NPAS3: variants seen among roughly 807,000 people sequenced by gnomAD.
NPAS3 encodes the protein neuronal PAS domain protein 3, also known as neuronal PAS domain-containing protein 3.
A neutral mutation model predicts 73.1 loss-of-function variants in NPAS3; 14 were observed. The observed-to-expected ratio is 0.19, with a 90% CI of 0.13 to 0.30. The LOEUF (loss-of-function observed/expected upper bound fraction) is 0.30, where lower values mean the gene tolerates loss of function less well. Among genes scored for constraint, NPAS3 ranks in the 10% least tolerant of loss-of-function variants. NPAS3 has a pLI of 1.00. For missense variants in NPAS3, 1,096 were observed against 1,250.0 expected (o/e 0.88, Z 1.86); for synonymous variants, 620 against 541.5 (o/e 1.14, Z -2.01).
intron 1 of NPAS3, among the ~76,000 whole-genome samples, chr14:32,956,094 C>A (rs1301934652): frequency 6.6e-6 from 1 of 151,742 alleles, no homozygotes. Context: ...TCAAATGATA[C>A]CACCAAATAG....
rs372663411 is a variant in NPAS3, at chr14:33,147,730, A to AAAAAATATATATATATAT, written c.141-67451_141-67450insAAAATATATATATATATA. ...CCCTAGAACTTAAAGTAGAATAAAAAATATATATATATATATATATATATA... is the reference window on the plus strand; with the variant it reads ...CCCTAGAACTTAAAGTAGAATAAAAAAAAAATATATATATATATATATATATATATATATATATATATA... On this transcript the variant is annotated intron_variant, in intron 2 of 11. Transcript: ENST00000356141. Among the ~76,000 whole-genome samples, 373 of 130,258 alleles carry AAAAAATATATATATATAT rather than the reference A, an allele frequency of 2.9e-3. 2 individuals carry two copies. The highest frequency in any genetic ancestry group is 0.011 in the African/African-American group (348 of 30,818). 85.5% of individuals were successfully genotyped at this position (130,258 alleles called of 152,430 possible). A position where few individuals can be genotyped will look rare whatever the true frequency, so the allele number is the denominator to read the frequency against.
intron 3 of NPAS3, among the ~76,000 whole-genome samples, chr14:33,233,963 T>A (rs1323471741): frequency 1.3e-5 from 2 of 152,172 alleles, no homozygotes; most frequent in Admixed American, 1.3e-4. Flanking sequence ...ATTCTTAATA[T>A]GTAAAATAAT....
At chr14:33,742,624 A>G (rs2061683315) in intron 7 of NPAS3, among the ~76,000 whole-genome samples, 1 of 152,260 alleles carries the variant, frequency 6.6e-6, no homozygotes, top group Non-Finnish European at 1.5e-5. Context: ...GTGGTTGCTG[A>G]AGGTTGGGGT....
At chr14:33,464,057 C>T (rs547377229) in intron 4 of NPAS3, among the ~76,000 whole-genome samples, 17 of 152,244 alleles carry the variant, frequency 1.1e-4, no homozygotes, top group African/African-American at 3.6e-4. Flanking sequence ...TCAAAAGCTG[C>T]CCTTTTTTTG....
chr14:33,661,875 CT>C (rs2059318668), intron 5 of NPAS3, among the ~76,000 whole-genome samples: 1 of 152,158 alleles, frequency 6.6e-6, no homozygotes, highest in South Asian at 2.1e-4. Flanking sequence ...GTTTTCACCC[CT>C]CTCTTCCCAC....
chr14:33,061,750 T>G (rs561079316), intron 2 of NPAS3, among the ~76,000 whole-genome samples: 1 of 152,238 alleles, frequency 6.6e-6, no homozygotes, highest in South Asian at 2.1e-4. Flanking sequence ...TATTCAGAGG[T>G]GACTAAGAAA....
chr14:33,754,928 A>C (rs1958050), intron 7 of NPAS3, among the ~76,000 whole-genome samples: 3 of 152,050 alleles, frequency 2.0e-5, no homozygotes, highest in Non-Finnish European at 4.4e-5. Flanking sequence ...AGACGAGACC[A>C]TGGACACAGC....
chr14:33,758,135 G>A (rs1192768853), intron 7 of NPAS3, among the ~76,000 whole-genome samples: 1 of 152,092 alleles, frequency 6.6e-6, no homozygotes, highest in African/African-American at 2.4e-5. Flanking sequence ...CAACTCCTTT[G>A]TACAGCATTC....
chr14:33,130,379 A>AATGAATG (rs1423655046), intron 2 of NPAS3, among the ~76,000 whole-genome samples: 1 of 152,168 alleles, frequency 6.6e-6, no homozygotes, highest in East Asian at 1.9e-4. Context: ...AGATGTTGAG[A>AATGAATG]AAGCGAATGA....
chr14:32,960,130 A>G (rs1195900242), intron 1 of NPAS3, among the ~76,000 whole-genome samples: 1 of 152,168 alleles, frequency 6.6e-6, no homozygotes, highest in African/African-American at 2.4e-5. Flanking sequence ...CATGTGGAAC[A>G]ACTTTAAAAG....
chr14:33,274,949 C>T (rs1273205760), intron 3 of NPAS3, among the ~76,000 whole-genome samples: 1 of 152,196 alleles, frequency 6.6e-6, no homozygotes, highest in Non-Finnish European at 1.5e-5. Flanking sequence ...GAATTTAAGT[C>T]ATAGATGCAC....
chr14:33,046,224 G>A (rs1002374216), intron 1 of NPAS3, among the ~76,000 whole-genome samples: 3 of 152,268 alleles, frequency 2.0e-5, no homozygotes, highest in East Asian at 1.9e-4. Flanking sequence ...TTATAAGCAC[G>A]TAGAGTGTGA....
chr14:33,257,095 C>T (rs1365881148), intron 3 of NPAS3, among the ~76,000 whole-genome samples: 2 of 152,158 alleles, frequency 1.3e-5, no homozygotes, highest in African/African-American at 4.8e-5. Flanking sequence ...GGCGCCACTC[C>T]CAGACATGAT....
chr14:33,640,468 AG>A (rs1289938262), intron 5 of NPAS3, among the ~76,000 whole-genome samples: 1 of 152,254 alleles, frequency 6.6e-6, no homozygotes, highest in African/African-American at 2.4e-5. Flanking sequence ...CTCAAAAAAA[AG>A]TTTAAAATGC....
chr14:32,994,206 C>G (rs1480598209), intron 1 of NPAS3, among the ~76,000 whole-genome samples: 1 of 152,110 alleles, frequency 6.6e-6, no homozygotes, highest in Non-Finnish European at 1.5e-5. Context: ...TCCATGAATA[C>G]TTTAAATGTG....
chr14:33,345,596 A>T (rs1361081101), intron 3 of NPAS3, among the ~76,000 whole-genome samples: 1 of 152,220 alleles, frequency 6.6e-6, no homozygotes, highest in Non-Finnish European at 1.5e-5. Flanking sequence ...AAGGAAGTAG[A>T]TTGATATTCT....
chr14:33,512,915 T>C (rs958047977), intron 4 of NPAS3, among the ~76,000 whole-genome samples: 15 of 152,044 alleles, frequency 9.9e-5, no homozygotes, highest in African/African-American at 3.6e-4. Context: ...ATTTAGAAGG[T>C]TTTGAAAATT....
At chr14:33,760,009 G>T (rs1250523097) in intron 7 of NPAS3, among the ~76,000 whole-genome samples, 4 of 152,110 alleles carry the variant, frequency 2.6e-5, no homozygotes, top group African/African-American at 9.7e-5. Flanking sequence ...ATCTTCACTT[G>T]AATGTTGACA....
At chr14:33,401,280 T>C (rs2047434323) in intron 4 of NPAS3, among the ~76,000 whole-genome samples, 1 of 152,164 alleles carries the variant, frequency 6.6e-6, no homozygotes, top group Admixed American at 6.6e-5. Flanking sequence ...ATCTGCTTTC[T>C]TCTCTGAGGT....
Sources: gnomAD v4.1 joint callset for allele counts (sites outside exome capture counted in the v4.1 genomes callset) on GRCh38, gnomAD v4.1.1 for gene constraint, MANE v1.5 for transcripts, NCBI Gene and HGNC (gene_info 2026-07-23, HGNC 2026-07-21) for gene names.